Variants in GRIA3 observed in about 807,000 individuals in gnomAD.
The protein encoded by GRIA3 is glutamate receptor 3.
GRIA3 carries 3 observed loss-of-function variants against 63.0 expected under a neutral mutation model. The ratio of observed to expected loss-of-function variants is 0.05; its 90% CI spans 0.02 to 0.12. The LOEUF (loss-of-function observed/expected upper bound fraction) is 0.12. GRIA3 is among the 10% of genes least tolerant of loss of function. The pLI is 1.00. For synonymous variants in GRIA3, 274 were observed against 257.9 expected, an observed-to-expected ratio of 1.06 and a Z score of -0.60; for missense variants, 347 against 700.9, an observed-to-expected ratio of 0.50 and a Z score of 5.70.
chrX:123,322,707 C>A (rs1327000276), intron 3 of GRIA3, among the ~76,000 whole-genome samples: 1 of 111,277 alleles, frequency 9.0e-6, no homozygotes, highest in Non-Finnish European at 1.9e-5. Context: ...CTGAGGTGAC[C>A]ATTCCCCCCA....
chrX:123,308,147 C>A (rs1306556450), intron 3 of GRIA3, among the ~76,000 whole-genome samples: 1 of 112,036 alleles, frequency 8.9e-6, no homozygotes, highest in African/African-American at 3.2e-5. Flanking sequence ...CAGCCTGGGC[C>A]TTTCCTGCTC....
chrX:123,309,604 G>A (rs1255196181), intron 3 of GRIA3, among the ~76,000 whole-genome samples: 2 of 112,068 alleles, frequency 1.8e-5, no homozygotes, highest in African/African-American at 6.5e-5. Flanking sequence ...AGATTCCAAA[G>A]CATTATGATT....
At chrX:123,222,640 C>A (rs1354159884) in intron 2 of GRIA3, among the ~76,000 whole-genome samples, 1 of 112,280 alleles carries the variant, frequency 8.9e-6, no homozygotes, top group African/African-American at 3.2e-5. Flanking sequence ...ATGCTAGATT[C>A]TGTTCCCAGG....
At chrX:123,377,187 C>T (rs1413483373) in intron 5 of GRIA3, among the ~76,000 whole-genome samples, 8 of 111,068 alleles carry the variant, frequency 7.2e-5, no homozygotes, top group Non-Finnish European at 1.1e-4. Context: ...CCGCCCGCCT[C>T]GGCCTCCCAA....
At chrX:123,236,630 G>T (rs1457251256) in intron 2 of GRIA3, among the ~76,000 whole-genome samples, 2 of 110,242 alleles carry the variant, frequency 1.8e-5, no homozygotes, top group African/African-American at 6.6e-5. Context: ...ATTTTTACAT[G>T]TTTTATACTC....
chrX:123,277,462 C>T (rs1234348759), intron 3 of GRIA3, among the ~76,000 whole-genome samples: 3 of 111,050 alleles, frequency 2.7e-5, no homozygotes, highest in African/African-American at 9.8e-5. Context: ...GATGAAAGGT[C>T]TCCTATGCCA....
intron 2 of GRIA3, among the ~76,000 whole-genome samples, chrX:123,208,418 A>C (rs1927951313): frequency 1.8e-5 from 2 of 111,972 alleles, no homozygotes; most frequent in Non-Finnish European, 3.8e-5. Flanking sequence ...TTCTGATTTT[A>C]GCCACCTCCC....
At chrX:123,423,523 A>T (rs1201966632) in intron 11 of GRIA3, among the ~76,000 whole-genome samples, 1 of 112,254 alleles carries the variant, frequency 8.9e-6, no homozygotes, top group African/African-American at 3.2e-5. Flanking sequence ...CAACTACTTC[A>T]TGGCTTTTCT....
chrX:123,280,888 A>G (rs758032974), intron 3 of GRIA3, among the ~76,000 whole-genome samples: 1 of 111,559 alleles, frequency 9.0e-6, no homozygotes, highest in Non-Finnish European at 1.9e-5. Flanking sequence ...ACTTTTCCAT[A>G]CATTTTCACA....
intron 3 of GRIA3, among the ~76,000 whole-genome samples, chrX:123,284,327 C>A (rs1048735855): frequency 1.8e-5 from 2 of 111,453 alleles, no homozygotes; most frequent in Non-Finnish European, 3.8e-5. Flanking sequence ...TTCCAAAAAC[C>A]AGAATGCCTC....
intron 4 of GRIA3, among the ~76,000 whole-genome samples, chrX:123,327,197 T>A (rs974085113): frequency 9.0e-6 from 1 of 111,643 alleles, no homozygotes; most frequent in African/African-American, 3.3e-5. Context: ...AAAATGTTTA[T>A]GCTTTTAAAA....
At chrX:123,247,430 C>G (rs1207245258) in intron 2 of GRIA3, among the ~76,000 whole-genome samples, 1 of 111,605 alleles carries the variant, frequency 9.0e-6, no homozygotes, top group Non-Finnish European at 1.9e-5. Context: ...TTGCTTGCCA[C>G]TCACCATTGA....
At chrX:123,260,709 T>C (rs1451936537) in intron 3 of GRIA3, among the ~76,000 whole-genome samples, 1 of 108,088 alleles carries the variant, frequency 9.3e-6, no homozygotes, top group Non-Finnish European at 1.9e-5. Flanking sequence ...AAGCTACTTT[T>C]TACATCTGAA....
chrX:123,435,166 G>A (rs905429741), intron 12 of GRIA3, among the ~76,000 whole-genome samples: 1 of 111,971 alleles, frequency 8.9e-6, no homozygotes, highest in Non-Finnish European at 1.9e-5. Flanking sequence ...TTATTTCTAT[G>A]GAGCTACTTC....
At chrX:123,416,681 T>G (rs909135825) in intron 10 of GRIA3, among the ~76,000 whole-genome samples, 2 of 113,101 alleles carry the variant, frequency 1.8e-5, no homozygotes, top group African/African-American at 6.4e-5. Context: ...CTACATAAAT[T>G]GTGTTCTGAC....
At chrX:123,245,726 G>A (rs943845935) in intron 2 of GRIA3, among the ~76,000 whole-genome samples, 20 of 111,788 alleles carry the variant, frequency 1.8e-4, no homozygotes, top group African/African-American at 5.5e-4. Flanking sequence ...AGTCATCATC[G>A]AACTTGAGAG....
chrX:123,448,887 G>A (rs769257104), intron 12 of GRIA3, among the ~76,000 whole-genome samples: 2 of 111,981 alleles, frequency 1.8e-5, no homozygotes, highest in Non-Finnish European at 3.8e-5. Flanking sequence ...TTACTATGTT[G>A]TCGTGAGCTA....
intron 2 of GRIA3, among the ~76,000 whole-genome samples, chrX:123,225,556 AC>A (rs1255874077): frequency 8.9e-6 from 1 of 112,076 alleles, no homozygotes; most frequent in Non-Finnish European, 1.9e-5. Context: ...TATCTTTTGA[AC>A]CTGAACCTAT....
intron 5 of GRIA3, among the ~76,000 whole-genome samples, chrX:123,365,046 T>G (rs1270405029): frequency 8.9e-6 from 1 of 111,857 alleles, no homozygotes; most frequent in Non-Finnish European, 1.9e-5. Flanking sequence ...TGAGAGCTAT[T>G]GCACAGCAGG....
Sources: gnomAD v4.1 joint callset for allele counts (sites outside exome capture counted in the v4.1 genomes callset) on GRCh38, gnomAD v4.1.1 for gene constraint, MANE v1.5 for transcripts, NCBI Gene and HGNC (gene_info 2026-07-23, HGNC 2026-07-21) for gene names.